PCM1: variants seen among roughly 807,000 people sequenced by gnomAD.
PCM1 encodes pericentriolar material 1 protein.
In PCM1, 157 loss-of-function variants were observed where a neutral mutation model predicts 241.9. That is an observed-to-expected ratio of 0.65 (90% CI 0.57 to 0.74). The LOEUF (loss-of-function observed/expected upper bound fraction) is 0.74. Among genes scored for constraint, PCM1 ranks in the 30% least tolerant of loss-of-function variants. PCM1 has a pLI of 0.00. For synonymous variants in PCM1, 1,085 were observed against 784.9 expected (o/e 1.38, Z -6.39); for missense variants, 3,478 against 2,360.1 (o/e 1.47, Z -9.81).
chr8:17,950,770 A>G, intron 8 of PCM1, 46 bp downstream of exon 8: 1 of 1,016,172 alleles, frequency 9.8e-7, no homozygotes, highest in Non-Finnish European at 1.5e-6. Flanking sequence ...AATCACATTA[A>G]TTAGAACAGT....
Position 17,962,018 on chromosome 8 carries a change from G to A in PCM1, c.2323-16G>A, listed in dbSNP as rs781712809. On this transcript the variant is annotated splice_polypyrimidine_tract_variant and intron_variant, in intron 15 of 38. Coordinates refer to ENST00000325083, the MANE Select transcript of PCM1 (RefSeq NM_006197.4). ...GCTTTAATTCCTCATAACGTTTTTT[G>A]TGAATTCCTTTTTAGCTGTCAGCTG... 5 of 1,593,910 alleles carry A rather than the reference G, an allele frequency of 3.1e-6. No homozygotes were observed. In the Admixed American group the frequency reaches 7.1e-5, roughly 23 times the overall value.
At chr8:17,976,849 G>T (rs926238592) in intron 23 of PCM1, among the ~76,000 whole-genome samples, 1 of 151,814 alleles carries the variant, frequency 6.6e-6, no homozygotes, top group Non-Finnish European at 1.5e-5. Flanking sequence ...TTTTAATTTG[G>T]GACTCATATA....
At chr8:17,929,632 C>G (rs1485083252) in intron 2 of PCM1, among the ~76,000 whole-genome samples, 3 of 152,224 alleles carry the variant, frequency 2.0e-5, no homozygotes, top group African/African-American at 4.8e-5. Context: ...TATCCTTTAT[C>G]TTTTAACTCT....
intron 29 of PCM1, among the ~76,000 whole-genome samples, chr8:17,999,636 G>A (rs1158145678): frequency 1.3e-5 from 2 of 152,106 alleles, no homozygotes; most frequent in Admixed American, 6.6e-5. Context: ...GGGGAGGGGT[G>A]GCGTCAGCAA....
intron 29 of PCM1, 109 bp from the exon 30 acceptor site, chr8:18,006,154 G>C: frequency 2.5e-6 from 2 of 796,672 alleles, no homozygotes; most frequent in Non-Finnish European, 3.8e-6. Context: ...AAATTGAGGA[G>C]CATCTACGGC....
intron 6 of PCM1, among the ~76,000 whole-genome samples, chr8:17,945,967 CTT>C (rs753097775): frequency 6.6e-6 from 1 of 151,978 alleles, no homozygotes; most frequent in Admixed American, 6.5e-5. Context: ...AAATAAAAGA[CTT>C]TTTAAAAGGT....
chr8:17,972,363 A>G lies in PCM1; in HGVS notation c.3619A>G (p.Ser1207Gly), dbSNP rs1461665258. 6.4e-7 allele frequency: 1 copy of G among 1,556,320 alleles called. No homozygotes were observed. The highest frequency in any genetic ancestry group is 8.7e-7 in the Non-Finnish European group (1 of 1,151,714). Residue 1207 changes from serine (S) to glycine (G), a missense_variant, in exon 23 of 39, where the codon AGT (serine) becomes GGT (glycine). Ser to Gly is a moderately conservative substitution (Grantham distance 56). Transcript: ENST00000325083. Reference protein sequence around the residue: ...KKLPEEEVESSRTPWLYEQEG... With the variant: ...KKLPEEEVESGRTPWLYEQEG... ...ACTGCCTGAAGAGGAGGTGGAAAGC[A>G]GTAGGACACCATGGTTATATGAACA...
chr8:18,018,826 GTA>G (rs201376546), intron 36 of PCM1, among the ~76,000 whole-genome samples: 15 of 90,838 alleles, frequency 1.7e-4, no homozygotes, highest in African/African-American at 3.2e-4. Flanking sequence ...AAAAAAATAT[GTA>G]TATATATATA....
Position 17,941,293 on chromosome 8 carries a change from A to G in PCM1, c.783+1432A>G, listed in dbSNP as rs539384461. Among the ~76,000 whole-genome samples, 5 of 152,300 alleles carry G rather than the reference A, an allele frequency of 3.3e-5. No individual in the cohort carries two copies. In the South Asian group the frequency reaches 8.3e-4, roughly 25 times the overall value. ...AACTTGTATAGATTTATTGTAATTTATATAAAGTATTCATTGTGATGGCAA... is the reference window on the plus strand; with the variant it reads ...AACTTGTATAGATTTATTGTAATTTGTATAAAGTATTCATTGTGATGGCAA... On this transcript the variant is annotated intron_variant, in intron 6 of 38. Coordinates refer to ENST00000325083, the MANE Select transcript of PCM1 (RefSeq NM_006197.4).
intron 8 of PCM1, among the ~76,000 whole-genome samples, chr8:17,951,103 A>G (rs936000304): frequency 2.0e-5 from 3 of 152,226 alleles, no homozygotes; most frequent in Non-Finnish European, 2.9e-5. Context: ...GACTAGATAC[A>G]TGGGATTCTA....
chr8:17,937,469 C>T, intron 4 of PCM1, 90 bp downstream of exon 4: 1 of 1,204,858 alleles, frequency 8.3e-7, no homozygotes, highest in Non-Finnish European at 1.1e-6. Flanking sequence ...AAAAATTGAG[C>T]TGTTTATGTA....
At chr8:17,985,740 T>C in intron 25 of PCM1, 121 bp downstream of exon 25, 1 of 844,074 alleles carries the variant, frequency 1.2e-6, no homozygotes, top group Non-Finnish European at 1.8e-6. Context: ...CTATGTGCTT[T>C]CTTGACATTT....
intron 29 of PCM1, among the ~76,000 whole-genome samples, chr8:18,001,930 G>C (rs1187964722): frequency 1.5e-5 from 2 of 133,590 alleles, no homozygotes; most frequent in East Asian, 4.7e-4. Flanking sequence ...ACGTAGCCTT[G>C]TTCTGGGCAA....
chr8:18,018,090 A>T (rs114072650), intron 36 of PCM1, among the ~76,000 whole-genome samples: 2 of 152,342 alleles, frequency 1.3e-5, no homozygotes, highest in East Asian at 3.9e-4. Context: ...CACGTTTCCA[A>T]TCAAGTTCAG....
rs2068653884 is a variant in PCM1, at chr8:17,956,689, G to A, written c.1558G>A (p.Ala520Thr). Reference sequence around the variant, plus strand: ...ACAAACGTCAGACATGATGACAGATGCTGTGAATGAAAACAGGAAAGATGA... The same window carrying A: ...ACAAACGTCAGACATGATGACAGATACTGTGAATGAAAACAGGAAAGATGA... ...YEQTSDMMTD[A>T]VNENRKDEET... is the part of the protein sequence containing the mutation. Residue 520 changes from alanine to threonine, a missense_variant, in exon 11 of 39, where the codon GCT becomes ACT. Ala to Thr is a moderately conservative substitution (Grantham distance 58, BLOSUM62 0). Coordinates refer to ENST00000325083, the MANE Select transcript of PCM1 (RefSeq NM_006197.4). 2 of 1,601,332 alleles carry A rather than the reference G, an allele frequency of 1.2e-6. No homozygotes were observed. The highest frequency in any genetic ancestry group is 1.7e-6 in the Non-Finnish European group (2 of 1,170,602).
intron 11 of PCM1, 57 bp downstream of exon 11, chr8:17,956,834 A>G: frequency 7.7e-7 from 1 of 1,302,132 alleles, no homozygotes; most frequent in Non-Finnish European, 1.1e-6. Context: ...TGATACTTAT[A>G]ATGTGGGAAC....
At chr8:17,929,392 C>G (rs2058245754) in intron 2 of PCM1, among the ~76,000 whole-genome samples, 1 of 152,122 alleles carries the variant, frequency 6.6e-6, no homozygotes, top group African/African-American at 2.4e-5. Context: ...TTATCGTCTC[C>G]CTGAGTCCTC....
intron 23 of PCM1, among the ~76,000 whole-genome samples, chr8:17,975,614 C>G (rs939064094): frequency 1.3e-5 from 2 of 152,084 alleles, no homozygotes; most frequent in Non-Finnish European, 1.5e-5. Context: ...GATATTTCAG[C>G]ATAGTGGGAA....
At chr8:17,975,499 G>C (rs1587524387) in intron 23 of PCM1, among the ~76,000 whole-genome samples, 1 of 152,166 alleles carries the variant, frequency 6.6e-6, no homozygotes, top group East Asian at 1.9e-4. Context: ...GGTAAATAGA[G>C]GTGGGTGGGG....
Sources: gnomAD v4.1 joint callset for allele counts (sites outside exome capture counted in the v4.1 genomes callset) on GRCh38, gnomAD v4.1.1 for gene constraint, MANE v1.5 for transcripts, NCBI Gene and HGNC (gene_info 2026-07-23, HGNC 2026-07-21) for gene names.